CEP89: variants seen among roughly 807,000 people sequenced by gnomAD.
CEP89 encodes the protein centrosomal protein 89, also known as centrosomal protein of 89 kDa.
CEP89 carries 95 observed loss-of-function variants against 97.6 expected under a neutral mutation model. The observed-to-expected ratio is 0.97, with a 90% CI of 0.82 to 1.15. The LOEUF (loss-of-function observed/expected upper bound fraction) is 1.15. Ranked by LOEUF, CEP89 falls within the 50% of genes most tolerant of loss-of-function variation. The pLI is 0.00. For missense variants in CEP89, 869 were observed against 947.7 expected, an observed-to-expected ratio of 0.92 and a Z score of 1.09; for synonymous variants, 354 against 349.1, an observed-to-expected ratio of 1.01 and a Z score of -0.16.
intron 18 of CEP89, among the ~76,000 whole-genome samples, chr19:32,880,349 A>T (rs1969256111): frequency 6.6e-6 from 1 of 152,198 alleles, no homozygotes; most frequent in African/African-American, 2.4e-5. Context: ...GGCCAGAGTC[A>T]CTTTTCTTGT....
intron 16 of CEP89, among the ~76,000 whole-genome samples, chr19:32,892,740 A>G (rs1235248928): frequency 1.3e-5 from 2 of 152,016 alleles, no homozygotes; most frequent in African/African-American, 2.4e-5. Flanking sequence ...GTTATCCTTC[A>G]TAAATGAAGG....
intron 1 of CEP89, chr19:32,971,259 A>C (rs1368319504): frequency 2.6e-6 from 1 of 380,572 alleles, no homozygotes; most frequent in Admixed American, 4.3e-5. Flanking sequence ...AGGAGGGAAA[A>C]ATGAAGAATG....
At chr19:32,926,348 G>A in intron 10 of CEP89, 75 bp from the exon 11 acceptor site, 1 of 1,029,194 alleles carries the variant, frequency 9.7e-7, no homozygotes, top group Non-Finnish European at 1.5e-6. Context: ...TAAATGGCAA[G>A]AAGTTATACT....
At chr19:32,891,166 A>G (rs1969507982) in intron 16 of CEP89, among the ~76,000 whole-genome samples, 1 of 152,024 alleles carries the variant, frequency 6.6e-6, no homozygotes, top group African/African-American at 2.4e-5. Flanking sequence ...ACTAACAGCA[A>G]CCCCACCCCC....
chr19:32,952,903 C>CAAA (rs34455504), intron 4 of CEP89, among the ~76,000 whole-genome samples: 55 of 48,616 alleles, frequency 1.1e-3, no homozygotes, highest in East Asian at 2.1e-3. Flanking sequence ...GACTCTGTCT[C>CAAA]AAAAAAAAAA....
intron 16 of CEP89, among the ~76,000 whole-genome samples, chr19:32,888,160 G>A (rs941556308): frequency 5.3e-5 from 8 of 152,114 alleles, no homozygotes; most frequent in African/African-American, 1.7e-4. Flanking sequence ...TCCTTCAATC[G>A]CATCCAAGGA....
chr19:32,902,196 A>G (rs1211091048), intron 14 of CEP89, among the ~76,000 whole-genome samples: 1 of 152,168 alleles, frequency 6.6e-6, no homozygotes, highest in African/African-American at 2.4e-5. Flanking sequence ...GACAAAAGAA[A>G]CAAAGAACAA....
At chr19:32,926,754 G>T (rs1287672462) in intron 10 of CEP89, among the ~76,000 whole-genome samples, 180 bp downstream of exon 10, 1 of 152,156 alleles carries the variant, frequency 6.6e-6, no homozygotes, top group Non-Finnish European at 1.5e-5. Flanking sequence ...TAGAGACAGG[G>T]TTTCACCATG....
At chr19:32,899,219 C>T (rs1049226702) in intron 16 of CEP89, among the ~76,000 whole-genome samples, 75 of 151,044 alleles carry the variant, frequency 5.0e-4, no homozygotes, top group Non-Finnish European at 7.4e-4. Context: ...CAGCCTTCAA[C>T]TCCCACACTC....
intron 9 of CEP89, among the ~76,000 whole-genome samples, chr19:32,928,135 C>T (rs760346007): frequency 7.9e-5 from 12 of 151,656 alleles, no homozygotes; most frequent in South Asian, 2.1e-4. Context: ...AGGCTGGTCT[C>T]GAACTCCTGA....
At chr19:32,924,471 G>A (rs1336846985) in intron 11 of CEP89, among the ~76,000 whole-genome samples, 1 of 152,150 alleles carries the variant, frequency 6.6e-6, no homozygotes, top group African/African-American at 2.4e-5. Context: ...CTTCAGCTGA[G>A]CCTCCTCCAT....
chr19:32,926,146 T>G, intron 11 of CEP89, 44 bp downstream of exon 11: 1 of 1,401,964 alleles, frequency 7.1e-7, no homozygotes, highest in Non-Finnish European at 1.0e-6. Context: ...AGCGGTCCTA[T>G]ATTTTTATAA....
At chr19:32,952,040 T>G (rs1328748634) in intron 4 of CEP89, among the ~76,000 whole-genome samples, 1 of 151,756 alleles carries the variant, frequency 6.6e-6, no homozygotes, top group Non-Finnish European at 1.5e-5. Flanking sequence ...CATATTGAGC[T>G]CTGGGCAGTG....
intron 14 of CEP89, among the ~76,000 whole-genome samples, chr19:32,914,472 A>G (rs1970077982): frequency 6.6e-6 from 1 of 151,580 alleles, no homozygotes; most frequent in African/African-American, 2.4e-5. Context: ...CAGTTTCGCC[A>G]TGTTGCCCAG....
intron 14 of CEP89, among the ~76,000 whole-genome samples, chr19:32,910,918 G>C (rs774912536): frequency 6.6e-6 from 1 of 152,198 alleles, no homozygotes; most frequent in Non-Finnish European, 1.5e-5. Context: ...TTTGTTATAA[G>C]TAGAAGGAGT....
chr19:32,929,323 C>A (rs376511290), intron 9 of CEP89, among the ~76,000 whole-genome samples: 1 of 151,982 alleles, frequency 6.6e-6, no homozygotes, highest in Non-Finnish European at 1.5e-5. Flanking sequence ...GAGAGAGGGC[C>A]GGGCATGGTG....
chr19:32,959,707 A>G (rs182510899), intron 3 of CEP89, among the ~76,000 whole-genome samples, 193 bp downstream of exon 3: 17 of 152,358 alleles, frequency 1.1e-4, no homozygotes, highest in Admixed American at 9.8e-4. Flanking sequence ...GTTGCTGGAC[A>G]GTGTCCATTT....
intron 18 of CEP89, among the ~76,000 whole-genome samples, chr19:32,881,167 G>T (rs1004257853): frequency 5.3e-5 from 8 of 152,114 alleles, no homozygotes; most frequent in African/African-American, 1.9e-4. Flanking sequence ...TGGGCACAGT[G>T]GCTCATGCTT....
chr19:32,954,280 T>A (rs748672754), intron 3 of CEP89, among the ~76,000 whole-genome samples: 3 of 152,208 alleles, frequency 2.0e-5, no homozygotes, highest in Non-Finnish European at 4.4e-5. Context: ...CATCTCTTTG[T>A]ACACTTGGCA....
Sources: gnomAD v4.1 joint callset for allele counts (sites outside exome capture counted in the v4.1 genomes callset) on GRCh38, gnomAD v4.1.1 for gene constraint, MANE v1.5 for transcripts, NCBI Gene and HGNC (gene_info 2026-07-23, HGNC 2026-07-21) for gene names.